The following CNOT6 variants were observed in gnomAD, a reference collection of about 807,000 sequenced individuals.
CNOT6 encodes the protein CCR4-NOT transcription complex subunit 6.
CNOT6 carries 12 observed loss-of-function variants against 61.2 expected under a neutral mutation model. The ratio of observed to expected loss-of-function variants is 0.20; its 90% CI spans 0.13 to 0.32. The LOEUF (loss-of-function observed/expected upper bound fraction) is 0.32. Ranked by LOEUF, CNOT6 falls within the 10% of genes least tolerant of loss-of-function variation. CNOT6 has a pLI of 1.00. For synonymous variants in CNOT6, 225 were observed against 240.6 expected (o/e 0.94, Z 0.60); for missense variants, 405 against 663.9 (o/e 0.61, Z 4.28).
intron 3 of CNOT6, among the ~76,000 whole-genome samples, chr5:180,551,785 C>CT (rs1449720567): frequency 6.6e-5 from 10 of 151,650 alleles, no homozygotes; most frequent in Middle Eastern, 3.4e-3. Flanking sequence ...AGCCTTTTGA[C>CT]TTTTTTTTAG....
chr5:180,520,954 C>T lies in CNOT6; in HGVS notation c.-2-8321C>T, dbSNP rs1757856040. Among the ~76,000 whole-genome samples the T allele has an allele frequency of 2.6e-5, 4 of 151,784 alleles. No individual in the cohort carries two copies. The South Asian group carries it at 8.3e-4, about 32-fold the overall frequency. On this transcript the variant is annotated intron_variant, in intron 1 of 11. Transcript: ENST00000261951. ...CTGCCTCCTGAGTTCAAGCAATTCT[C>T]CTGCCTCAGCCTCCCGAGTAACTGG...
intron 11 of CNOT6, 71 bp from the exon 12 acceptor site, chr5:180,573,917 A>T: frequency 2.9e-6 from 3 of 1,020,440 alleles, no homozygotes; most frequent in Non-Finnish European, 4.6e-6. Flanking sequence ...ACATAAAGGC[A>T]TGTCTTGAAA....
chr5:180,566,001 A>G (rs930401978), intron 7 of CNOT6, 24 bp downstream of exon 7: 1 of 1,585,282 alleles, frequency 6.3e-7, no homozygotes, highest in African/African-American at 1.4e-5. Context: ...AAGACAGTCA[A>G]CCTAGCATTG....
intron 2 of CNOT6, among the ~76,000 whole-genome samples, chr5:180,545,425 C>CT (rs1759266088): frequency 6.6e-6 from 1 of 151,982 alleles, no homozygotes; most frequent in Non-Finnish European, 1.5e-5. Context: ...AGTATGTACC[C>CT]TTTTTTCTTT....
chr5:180,557,785 C>T (rs1248170798), intron 4 of CNOT6, among the ~76,000 whole-genome samples: 1 of 152,056 alleles, frequency 6.6e-6, no homozygotes, highest in Admixed American at 6.6e-5. Flanking sequence ...GCTCTAAGTC[C>T]CAAAGATTTT....
At chr5:180,532,610 C>T (rs368630451) in intron 2 of CNOT6, among the ~76,000 whole-genome samples, 14 of 152,238 alleles carry the variant, frequency 9.2e-5, no homozygotes, top group African/African-American at 3.4e-4. Context: ...CAGCAGACAC[C>T]AGTTAGGTGC....
At chr5:180,520,815 A>G (rs916308724) in intron 1 of CNOT6, among the ~76,000 whole-genome samples, 1 of 151,664 alleles carries the variant, frequency 6.6e-6, no homozygotes, top group Admixed American at 6.6e-5. Context: ...TGTGTTTAAC[A>G]TTCCATCTTT....
intron 2 of CNOT6, among the ~76,000 whole-genome samples, chr5:180,530,851 A>G (rs1478163698): frequency 6.6e-6 from 1 of 152,210 alleles, no homozygotes; most frequent in Non-Finnish European, 1.5e-5. Flanking sequence ...CTGAGTGGAC[A>G]CAGCACATGT....
At chr5:180,564,389 A>G (rs1006797700) in intron 4 of CNOT6, 100 bp from the exon 5 acceptor site, 7 of 785,190 alleles carry the variant, frequency 8.9e-6, no homozygotes, top group Middle Eastern at 2.6e-4. Context: ...ACTAGTAACT[A>G]TAACATAGTT....
chr5:180,541,469 T>TTTTTTTTG (rs1759036632), intron 2 of CNOT6, among the ~76,000 whole-genome samples: 2 of 144,336 alleles, frequency 1.4e-5, no homozygotes, highest in Admixed American at 7.0e-5. Context: ...TTTTTTTTTT[T>TTTTTTTTG]GAGACAGAGT....
rs1757192985 is a variant in CNOT6 at position 180,507,754 on chromosome 5, T to A, written c.-3+12991T>A. On this transcript the variant is annotated intron_variant, in intron 1 of 11. Coordinates refer to ENST00000261951, the MANE Select transcript of CNOT6 (RefSeq NM_001370472.1). ...GAAGAAAAGGGGTTTAATTGGCTCT[T>A]GGTTCCACAGGCTGTGCAGGAAACG... Among the ~76,000 whole-genome samples, 7 of 142,966 alleles carry A rather than the reference T, an allele frequency of 4.9e-5. No individual in the cohort carries two copies. The Admixed American group carries it at 4.9e-4, about 10-fold the overall frequency. 93.8% of individuals were successfully genotyped at this position (142,966 alleles called of 152,430 possible).
intron 1 of CNOT6, among the ~76,000 whole-genome samples, chr5:180,500,309 T>A (rs1180832050): frequency 6.6e-6 from 1 of 152,078 alleles, no homozygotes; most frequent in Non-Finnish European, 1.5e-5. Flanking sequence ...ATGAGGTCTC[T>A]CTACGTTGCC....
At chr5:180,542,633 C>T (rs887068112) in intron 2 of CNOT6, among the ~76,000 whole-genome samples, 47 of 151,650 alleles carry the variant, frequency 3.1e-4, no homozygotes, top group African/African-American at 1.1e-3. Context: ...ATACTAATTA[C>T]ACCTAGTTCT....
intron 1 of CNOT6, among the ~76,000 whole-genome samples, chr5:180,528,403 C>T (rs1291999372): frequency 2.0e-5 from 3 of 152,112 alleles, no homozygotes; most frequent in Non-Finnish European, 4.4e-5. Context: ...CTCCACCTCC[C>T]GGGTTCACGC....
At chr5:180,539,044 A>G (rs1361808655) in intron 2 of CNOT6, among the ~76,000 whole-genome samples, 1 of 150,920 alleles carries the variant, frequency 6.6e-6, no homozygotes, top group Non-Finnish European at 1.5e-5. Flanking sequence ...GTGTGGTGGT[A>G]TGTGCCAGTA....
intron 1 of CNOT6, among the ~76,000 whole-genome samples, chr5:180,506,612 A>T (rs1757140286): frequency 6.6e-6 from 1 of 152,144 alleles, no homozygotes; most frequent in African/African-American, 2.4e-5. Context: ...GCGTGTCACT[A>T]AGATAGATTT....
chr5:180,531,169 C>A (rs1318960435), intron 2 of CNOT6, among the ~76,000 whole-genome samples: 1 of 123,690 alleles, frequency 8.1e-6, no homozygotes, highest in African/African-American at 2.9e-5. Flanking sequence ...CCACCTCCCT[C>A]CCAGCTGGGG....
chr5:180,563,788 TG>T (rs1188638770), intron 4 of CNOT6, among the ~76,000 whole-genome samples: 1 of 152,222 alleles, frequency 6.6e-6, no homozygotes, highest in Non-Finnish European at 1.5e-5. Flanking sequence ...GCTGCACTGT[TG>T]TTATTTGTAC....
At chr5:180,567,776 T>C in intron 8 of CNOT6, 73 bp from the exon 9 acceptor site, 2 of 1,603,040 alleles carry the variant, frequency 1.2e-6, no homozygotes, top group Non-Finnish European at 8.5e-7. Flanking sequence ...TTGGGAAAAC[T>C]GCGTTTCCCA....
Sources: allele counts gnomAD v4.1 joint callset (sites outside exome capture counted in the v4.1 genomes callset), GRCh38; gene constraint gnomAD v4.1.1; transcripts MANE v1.5; gene names NCBI Gene and HGNC (gene_info 2026-07-23, HGNC 2026-07-21).